The following THSD7B variants were observed in gnomAD, a reference collection of about 807,000 sequenced individuals.
THSD7B encodes thrombospondin type 1 domain containing 7B, also known as thrombospondin type-1 domain-containing protein 7B.
Under a neutral mutation model 213.6 loss-of-function variants are expected in THSD7B, and 138 were observed. That is an observed-to-expected ratio of 0.65 (90% confidence interval 0.56 to 0.74). THSD7B has a LOEUF of 0.74. Ranked by LOEUF, THSD7B falls within the 30% of genes least tolerant of loss-of-function variation. The pLI is 0.00. For synonymous variants in THSD7B, 742 were observed against 687.0 expected (o/e 1.08, Z -1.25); for missense variants, 1,931 against 1,991.5 (o/e 0.97, Z 0.58).
At chr2:137,556,571 C>T (rs537719328) in intron 15 of THSD7B, among the ~76,000 whole-genome samples, 2 of 152,254 alleles carry the variant, frequency 1.3e-5, no homozygotes, top group South Asian at 4.1e-4. Context: ...ACCAGCGGTA[C>T]CAGCCACTGC....
intron 4 of THSD7B, among the ~76,000 whole-genome samples, chr2:137,108,218 C>G (rs1047382036): frequency 6.6e-6 from 1 of 152,160 alleles, no homozygotes; most frequent in Admixed American, 6.6e-5. Flanking sequence ...TGCTTTAAAT[C>G]TAAGCTTTTA....
At chr2:137,540,545 A>T (rs1049329503) in intron 15 of THSD7B, among the ~76,000 whole-genome samples, 1 of 151,618 alleles carries the variant, frequency 6.6e-6, no homozygotes, top group Non-Finnish European at 1.5e-5. Flanking sequence ...GCTGAACAGG[A>T]TTGGAACTCC....
intron 1 of THSD7B, among the ~76,000 whole-genome samples, chr2:136,799,300 GA>G (rs140451435): frequency 2.7e-5 from 4 of 149,316 alleles, no homozygotes; most frequent in Admixed American, 2.0e-4. Flanking sequence ...TTGGGAGATT[GA>G]AAAAAAAAGA....
At chr2:136,976,543 T>C (rs1323095461) in intron 2 of THSD7B, among the ~76,000 whole-genome samples, 1 of 152,206 alleles carries the variant, frequency 6.6e-6, no homozygotes, top group Non-Finnish European at 1.5e-5. Context: ...GTGGATAAGC[T>C]TTTTGATATG....
chr2:137,329,182 G>T (rs1684436950), intron 12 of THSD7B, among the ~76,000 whole-genome samples: 1 of 152,168 alleles, frequency 6.6e-6, no homozygotes, highest in African/African-American at 2.4e-5. Context: ...CCAAAATGCT[G>T]ATAGTGATAT....
intron 1 of THSD7B, among the ~76,000 whole-genome samples, chr2:136,836,176 CAT>C (rs1338935999): frequency 2.0e-5 from 3 of 152,158 alleles, no homozygotes; most frequent in African/African-American, 7.2e-5. Context: ...TTATTTAACA[CAT>C]ATTTATTCAA....
At chr2:136,827,636 T>C (rs1682669738) in intron 1 of THSD7B, among the ~76,000 whole-genome samples, 1 of 152,076 alleles carries the variant, frequency 6.6e-6, no homozygotes, top group Non-Finnish European at 1.5e-5. Context: ...AGCTCTTCAG[T>C]GGTTTGGGTG....
intron 12 of THSD7B, among the ~76,000 whole-genome samples, chr2:137,342,266 C>A (rs2104908719): frequency 6.6e-6 from 1 of 151,578 alleles, no homozygotes; most frequent in Non-Finnish European, 1.5e-5. Context: ...GTAGCTATTG[C>A]AAATGAGATT....
chr2:137,191,306 G>A (rs972984370), intron 7 of THSD7B, among the ~76,000 whole-genome samples: 1 of 152,102 alleles, frequency 6.6e-6, no homozygotes, highest in Non-Finnish European at 1.5e-5. Flanking sequence ...ATGTCATTGT[G>A]TTTCTTTTAT....
chr2:137,028,318 G>A (rs993232593), intron 2 of THSD7B, among the ~76,000 whole-genome samples: 1 of 152,124 alleles, frequency 6.6e-6, no homozygotes, highest in Non-Finnish European at 1.5e-5. Flanking sequence ...AGGAATCCCT[G>A]TTACTGTTAA....
chr2:137,521,335 G>T (rs921765541), intron 15 of THSD7B, among the ~76,000 whole-genome samples: 3 of 152,042 alleles, frequency 2.0e-5, no homozygotes, highest in East Asian at 1.9e-4. Context: ...GGGGAGGGGG[G>T]GCTGTGACTA....
At chr2:137,003,477 A>G (rs1371044279) in intron 2 of THSD7B, among the ~76,000 whole-genome samples, 2 of 152,194 alleles carry the variant, frequency 1.3e-5, no homozygotes, top group Non-Finnish European at 2.9e-5. Flanking sequence ...AGTGACCAGA[A>G]TCTCTCATTT....
intron 12 of THSD7B, among the ~76,000 whole-genome samples, chr2:137,285,467 C>T (rs1039548799): frequency 6.6e-6 from 1 of 151,888 alleles, no homozygotes; most frequent in Non-Finnish European, 1.5e-5. Context: ...TTATTTGGCT[C>T]ATTAGTTGAT....
chr2:137,138,809 A>G (rs914764505), intron 5 of THSD7B, among the ~76,000 whole-genome samples: 2 of 152,086 alleles, frequency 1.3e-5, no homozygotes, highest in Non-Finnish European at 2.9e-5. Context: ...GTATGTTTCT[A>G]TTTCCTTTTC....
At chr2:137,288,917 A>G (rs1169685652) in intron 12 of THSD7B, among the ~76,000 whole-genome samples, 1 of 152,028 alleles carries the variant, frequency 6.6e-6, no homozygotes, top group Admixed American at 6.6e-5. Flanking sequence ...GATGAAAAGG[A>G]TGCTCCTTCA....
At chr2:136,966,029 G>A (rs901665529) in intron 2 of THSD7B, among the ~76,000 whole-genome samples, 12 of 152,018 alleles carry the variant, frequency 7.9e-5, no homozygotes, top group African/African-American at 2.9e-4. Flanking sequence ...TTATTTGTTT[G>A]ATTAATCAAC....
At chr2:136,963,545 G>A (rs1685261219) in intron 2 of THSD7B, among the ~76,000 whole-genome samples, 1 of 152,192 alleles carries the variant, frequency 6.6e-6, no homozygotes, top group African/African-American at 2.4e-5. Context: ...TCAGGAGGCT[G>A]AGGCAGGAGG....
chr2:137,524,513 A>G (rs1011726878), intron 15 of THSD7B, among the ~76,000 whole-genome samples: 3 of 152,138 alleles, frequency 2.0e-5, no homozygotes, highest in African/African-American at 7.2e-5. Context: ...TTTTTTTTAT[A>G]GGTGATGGCT....
chr2:137,660,958 T>A (rs906466396), intron 25 of THSD7B, among the ~76,000 whole-genome samples: 9 of 152,230 alleles, frequency 5.9e-5, no homozygotes, highest in Non-Finnish European at 1.3e-4. Context: ...TTAGTATCTG[T>A]TTCTCCTCAA....
Sources: allele counts gnomAD v4.1 joint callset (sites outside exome capture counted in the v4.1 genomes callset), GRCh38; gene constraint gnomAD v4.1.1; transcripts MANE v1.5; gene names NCBI Gene and HGNC (gene_info 2026-07-23, HGNC 2026-07-21).